The following ZFHX3 variants were observed in gnomAD, a reference collection of about 807,000 sequenced individuals.
ZFHX3 encodes zinc finger homeobox 3, also known as zinc finger homeobox protein 3.
A neutral mutation model predicts 279.1 loss-of-function variants in ZFHX3; 42 were observed. The ratio of observed to expected loss-of-function variants is 0.15; its 90% CI spans 0.12 to 0.19. ZFHX3 has a LOEUF of 0.19. Among genes scored for constraint, ZFHX3 ranks in the 10% least tolerant of loss-of-function variants. ZFHX3 has a pLI of 1.00. For synonymous variants in ZFHX3, 2,293 were observed against 1,957.8 expected (o/e 1.17, Z -4.52); for missense variants, 4,981 against 4,754.0 (o/e 1.05, Z -1.40).
intron 2 of ZFHX3, chr16:73,486,853 G>C: frequency 2.2e-6 from 1 of 456,056 alleles, no homozygotes. Context: ...GCTTTACCCA[G>C]AACCTGGAGC....
Position 72,797,362 on chromosome 16 carries a change from G to T in ZFHX3, c.5320C>A (p.Pro1774Thr), listed in dbSNP as rs754493182. Residue 1774 changes from proline to threonine, a missense_variant, in exon 9 of 10, where the codon CCC becomes ACC. Coordinates refer to ENST00000268489, the MANE Select transcript of ZFHX3 (RefSeq NM_006885.4). The stretch of plus-strand genomic sequence containing the variant: ...ATGGGGAAGTGAGGAAGGAGGGTGG[G>T]GTTAAACAGCTGAGACTGGATCAGG... ...AALIQSQLFN[P>T]TLLPHFPMTT... 2 of 1,600,906 alleles carry T rather than the reference G, an allele frequency of 1.2e-6. No homozygotes were observed. Among genetic ancestry groups the T allele is most frequent in the South Asian group, 1.1e-5 (1 of 87,996 alleles).
chr16:72,863,310 T>A (rs1028999448), intron 4 of ZFHX3, among the ~76,000 whole-genome samples: 1 of 130,332 alleles, frequency 7.7e-6, no homozygotes, highest in African/African-American at 3.1e-5. Context: ...CAAGACCAAC[T>A]TGGACAACAC....
chr16:72,959,320 C>G lies in ZFHX3; in HGVS notation c.826G>C (p.Gly276Arg), dbSNP rs1396833198. Residue 276 changes from glycine (G) to arginine (R), a missense_variant, in exon 2 of 10, where the codon GGC (glycine) becomes CGC (arginine). Gly to Arg is a moderately radical substitution (Grantham distance 125, BLOSUM62 -2). This residue lies in a region of ZFHX3 where 1,068 missense variants were observed against 935.2 expected (regional missense o/e 1.14). Transcript: ENST00000268489. The stretch of plus-strand genomic sequence containing the variant: ...CACATCAGGATGGGCTTCCTCTTGC[C>G]ATAGAGCACAAAGCCATCGAATTTG... ...LSKFDGFVLY[G>R]KRKPILMCFL... The G allele has an allele frequency of 6.2e-7, 1 of 1,614,234 alleles. No individual in the cohort carries two copies. Among genetic ancestry groups the G allele is most frequent in the East Asian group, 2.2e-5 (1 of 44,876 alleles).
chr16:73,256,117 G>A (rs1009046440), intron 5 of ZFHX3, among the ~76,000 whole-genome samples: 3 of 152,128 alleles, frequency 2.0e-5, no homozygotes, highest in Non-Finnish European at 2.9e-5. Context: ...GATCACGCTC[G>A]AACATCGTCT....
chr16:73,634,433 A>ATTATATATAT (rs1197229737), intron 2 of ZFHX3, among the ~76,000 whole-genome samples: 30 of 59,872 alleles, frequency 5.0e-4, no homozygotes, highest in African/African-American at 1.3e-3. Flanking sequence ...TATTATGTAT[A>ATTATATATAT]ATATATATAT....
In ZFHX3 at chr16:72,960,565, G is replaced by A. The variant is rs1019767376; in HGVS notation, c.-49-371C>T. ...ACGCGTCATCTCTCCAGCCCTCTAC[G>A]AGGTCACAGCCACAGCCCTACCACT... On this transcript the variant is annotated intron_variant, in intron 1 of 9. Transcript: ENST00000268489. Among the ~76,000 whole-genome samples, 15 of 152,232 alleles carry A rather than the reference G, an allele frequency of 9.9e-5. No homozygotes were observed. In the South Asian group the frequency reaches 1.7e-3, roughly 17 times the overall value.
intron 5 of ZFHX3, among the ~76,000 whole-genome samples, chr16:73,227,989 C>A (rs1018888453): frequency 2.0e-5 from 3 of 151,828 alleles, no homozygotes; most frequent in Non-Finnish European, 4.4e-5. Flanking sequence ...TTAACCTTCA[C>A]AACCTCCCTA....
intron 3 of ZFHX3, among the ~76,000 whole-genome samples, chr16:72,949,296 C>G (rs1427764284): frequency 6.6e-6 from 1 of 151,908 alleles, no homozygotes; most frequent in Non-Finnish European, 1.5e-5. Context: ...CCCAAAGACG[C>G]GAGAAACAGT....
chr16:73,025,260 C>T (rs4499262), intron 1 of ZFHX3, among the ~76,000 whole-genome samples: 55 of 152,032 alleles, frequency 3.6e-4, no homozygotes, highest in Non-Finnish European at 2.1e-4. Flanking sequence ...CAAGTCCTTC[C>T]CAATGCGGCG....
chr16:73,687,846 C>CAAAAA lies in ZFHX3; in HGVS notation c.-1607-7611_-1607-7607dup, dbSNP rs535371406. Among the ~76,000 whole-genome samples, 50 of 63,912 alleles carry CAAAAA rather than the reference C, an allele frequency of 7.8e-4. 1 individual carries two copies. Among genetic ancestry groups the CAAAAA allele is most frequent in the African/African-American group, 2.4e-3 (43 of 18,252 alleles). 41.9% of individuals were successfully genotyped at this position (63,912 alleles called of 152,430 possible). A position where few individuals can be genotyped will look rare whatever the true frequency, so the allele number is the denominator to read the frequency against. ...CTGGTGACAGAGCAAGACTCTGTCT[C>CAAAAA]AAAAAAAAAAAAAAAAAAAAAAACA... On this transcript the variant is annotated intron_variant, in intron 1 of 17. Coordinates refer to the ZFHX3 transcript ENST00000641206.
At chr16:73,419,908 ATT>A (rs201045234) in intron 3 of ZFHX3, among the ~76,000 whole-genome samples, 15 of 145,742 alleles carry the variant, frequency 1.0e-4, no homozygotes, top group Admixed American at 7.5e-4. Flanking sequence ...TAGATAGATA[ATT>A]TTTTTTTTTT....
intron 1 of ZFHX3, among the ~76,000 whole-genome samples, chr16:73,858,531 G>T (rs1961799270): frequency 6.6e-6 from 1 of 152,160 alleles, no homozygotes; most frequent in South Asian, 2.1e-4. Flanking sequence ...GCCTTGCATA[G>T]CATTATTATG....
At chr16:73,207,841 C>T (rs1419480998) in intron 5 of ZFHX3, among the ~76,000 whole-genome samples, 2 of 152,100 alleles carry the variant, frequency 1.3e-5, no homozygotes, top group African/African-American at 4.8e-5. Flanking sequence ...GTGAAATAGC[C>T]ACTCTAACAT....
intron 2 of ZFHX3, among the ~76,000 whole-genome samples, chr16:73,531,888 A>C (rs996422343): frequency 1.3e-5 from 2 of 152,084 alleles, no homozygotes; most frequent in African/African-American, 4.8e-5. Flanking sequence ...CAGGAGTTTG[A>C]GACCAGCCTG....
intron 3 of ZFHX3, among the ~76,000 whole-genome samples, chr16:72,893,477 G>T (rs1272088216): frequency 1.3e-5 from 2 of 152,200 alleles, no homozygotes; most frequent in Non-Finnish European, 2.9e-5. Context: ...AAATCCATGG[G>T]CTCTTGGGTC....
intron 3 of ZFHX3, among the ~76,000 whole-genome samples, chr16:73,340,942 A>G (rs908913249): frequency 1.3e-5 from 2 of 152,256 alleles, no homozygotes; most frequent in South Asian, 2.1e-4. Context: ...ATTGCATGAA[A>G]AAAACATCAT....
At chr16:73,753,831 TA>T (rs1458356646) in intron 1 of ZFHX3, among the ~76,000 whole-genome samples, 1 of 152,186 alleles carries the variant, frequency 6.6e-6, no homozygotes, top group African/African-American at 2.4e-5. Flanking sequence ...TACATATTGA[TA>T]GGCTGACAAA....
chr16:73,093,333 T>C, exon 8 of ZFHX3: 1 of 414,244 alleles, frequency 2.4e-6, no homozygotes, highest in Non-Finnish European at 4.8e-6. Flanking sequence ...AAGCCAGAAG[T>C]GTGCCCAGGC....
intron 1 of ZFHX3, among the ~76,000 whole-genome samples, chr16:73,056,478 C>A (rs1597140200): frequency 6.6e-6 from 1 of 152,084 alleles, no homozygotes; most frequent in African/African-American, 2.4e-5. Flanking sequence ...CCTGAATACC[C>A]CCCACTCCCC....
Sources: allele counts gnomAD v4.1 joint callset (sites outside exome capture counted in the v4.1 genomes callset), GRCh38; gene constraint gnomAD v4.1.1; regional missense constraint gnomAD v4.1.1; transcripts MANE v1.5; gene names NCBI Gene and HGNC (gene_info 2026-07-23, HGNC 2026-07-21).